Variants in KIF21A observed in about 807,000 individuals in gnomAD.
KIF21A encodes kinesin-like protein KIF21A.
Under a neutral mutation model 202.9 loss-of-function variants are expected in KIF21A, and 114 were observed. The observed-to-expected ratio is 0.56, with a 90% CI of 0.48 to 0.66. The LOEUF (loss-of-function observed/expected upper bound fraction) is 0.66, where lower values mean the gene tolerates loss of function less well. Among genes scored for constraint, KIF21A ranks in the 30% least tolerant of loss-of-function variants. The pLI is 0.00. For synonymous variants in KIF21A, 667 were observed against 670.8 expected, an observed-to-expected ratio of 0.99 and a Z score of 0.09; for missense variants, 1,677 against 1,994.9, an observed-to-expected ratio of 0.84 and a Z score of 3.04.
At position 39,319,939 on chromosome 12, in the gene KIF21A, T is replaced by A. The variant is rs746695893; in HGVS notation, c.3746A>T (p.Lys1249Ile). 5 of 1,608,178 alleles carry A rather than the reference T, an allele frequency of 3.1e-6. No homozygotes were observed. The Admixed American group carries it at 8.4e-5, about 27-fold the overall frequency. Reference sequence around the variant, plus strand: ...TTCCTTGGCCTTTGATTTTTCTGCTTTCTCATATGCCTTTCTCCTTGTTAC... The same window carrying A: ...TTCCTTGGCCTTTGATTTTTCTGCTATCTCATATGCCTTTCTCCTTGTTAC... ...SPVTRRKAYE[K>I]AEKSKAKEQK... The change falls in exon 28 of 38, where the codon AAA becomes ATA. Residue 1249 changes from lysine to isoleucine, a missense_variant. Physicochemically the swap from Lys to Ile is moderately radical, Grantham distance 102. Around this residue, in one of 3 missense-constraint regions of KIF21A, gnomAD observed 705 missense variants for 791.9 expected, o/e 0.89. Coordinates refer to ENST00000361418, the MANE Select transcript of KIF21A (RefSeq NM_001173464.2).
chr12:39,398,642 C>T (rs1280000438), intron 1 of KIF21A, among the ~76,000 whole-genome samples: 4 of 151,924 alleles, frequency 2.6e-5, no homozygotes, highest in Non-Finnish European at 5.9e-5. Flanking sequence ...CTTCAAAGGC[C>T]CTATAATGTG....
intron 1 of KIF21A, among the ~76,000 whole-genome samples, chr12:39,426,371 AGTC>A (rs1954752613): frequency 6.6e-6 from 1 of 152,248 alleles, no homozygotes; most frequent in African/African-American, 2.4e-5. Context: ...GTGGATGAAC[AGTC>A]GTCAATAAAT....
rs370287495 is a variant in KIF21A, at chr12:39,418,568, T to C, written c.44+24359A>G. Among the ~76,000 whole-genome samples, 23 of 152,308 alleles carry C rather than the reference T, an allele frequency of 1.5e-4. 1 individual carries two copies. The South Asian group carries it at 4.8e-3, about 32-fold the overall frequency. Reference sequence around the variant, plus strand: ...TTGGGAAATACTAGAAAACTACAGATGCAACAGAAATCAAGAGTGGAAGCC... The same window carrying C: ...TTGGGAAATACTAGAAAACTACAGACGCAACAGAAATCAAGAGTGGAAGCC... On this transcript the variant is annotated intron_variant, in intron 1 of 37. Coordinates refer to ENST00000361418, the MANE Select transcript of KIF21A (RefSeq NM_001173464.2).
rs1566271793 is a variant in KIF21A, at chr12:39,416,826, C to CATATATGTGTATATATAGATATGTACAT, written c.44+26073_44+26100dup. ...ACATATATATGTGTGTATATATGTA[C>CATATATGTGTATATATAGATATGTACAT]ATATATGTGTATATATAGATATGTA... On this transcript the variant is annotated intron_variant, in intron 1 of 37. Coordinates refer to ENST00000361418, the MANE Select transcript of KIF21A (RefSeq NM_001173464.2). 5.5e-4 allele frequency among the ~76,000 whole-genome samples: 68 copies of CATATATGTGTATATATAGATATGTACAT among 124,762 alleles called. 1 individual carries two copies. Among genetic ancestry groups the CATATATGTGTATATATAGATATGTACAT allele is most frequent in the Middle Eastern group, 4.1e-3 (1 of 244 alleles). 81.8% of individuals were successfully genotyped at this position (124,762 alleles called of 152,430 possible).
intron 1 of KIF21A, among the ~76,000 whole-genome samples, chr12:39,417,703 T>C (rs1439864536): frequency 6.6e-6 from 1 of 152,116 alleles, no homozygotes; most frequent in Non-Finnish European, 1.5e-5. Flanking sequence ...TCTACATCAT[T>C]ATGACACTAT....
At chr12:39,321,167 T>TA (rs1945208668) in intron 27 of KIF21A, among the ~76,000 whole-genome samples, 1 of 152,176 alleles carries the variant, frequency 6.6e-6, no homozygotes, top group African/African-American at 2.4e-5. Context: ...TTATAAGAGT[T>TA]ACTGCACCAA....
Position 39,330,771 on chromosome 12 carries a change from A to G in KIF21A, c.3294T>C (p.Asp1098=), listed in dbSNP as rs1946440231. The G allele has an allele frequency of 6.2e-7, 1 of 1,613,936 alleles. No individual in the cohort carries two copies. The part of the protein sequence containing the change: ...KEKAELNPEL[D]ALLGHALQDL... ...CTTGTAAAGCATGGCCTAGTAAAGC[A>G]TCTAGCTCAGGATTTAATTCTGCCT... The change falls in exon 23 of 38, where the codon GAT becomes GAC. Residue 1098 remains aspartate (D), a synonymous_variant. Coordinates refer to ENST00000361418, the MANE Select transcript of KIF21A (RefSeq NM_001173464.2).
chr12:39,357,834 G>A (rs559430949), intron 8 of KIF21A, among the ~76,000 whole-genome samples: 5 of 141,116 alleles, frequency 3.5e-5, no homozygotes, highest in East Asian at 2.2e-4. Flanking sequence ...CATTTAACCC[G>A]GGAGGCGGAA....
At chr12:39,313,338 A>G (rs1030560481) in intron 31 of KIF21A, among the ~76,000 whole-genome samples, 2 of 151,916 alleles carry the variant, frequency 1.3e-5, no homozygotes, top group African/African-American at 4.8e-5. Context: ...TATCCACTTA[A>G]AAATAAATGT....
chr12:39,316,253 A>T (rs775148701), intron 29 of KIF21A, among the ~76,000 whole-genome samples: 2 of 152,162 alleles, frequency 1.3e-5, no homozygotes, highest in African/African-American at 2.4e-5. Context: ...TAGGCCTTGC[A>T]GAAGAATAGT....
At chr12:39,330,612 A>C (rs1325736517) in intron 23 of KIF21A, 134 bp downstream of exon 23, 4 of 809,278 alleles carry the variant, frequency 4.9e-6, no homozygotes, top group Non-Finnish European at 8.0e-6. Flanking sequence ...AATTAAAGAA[A>C]GAATAATTAT....
At chr12:39,382,985 A>G (rs1482694530) in intron 1 of KIF21A, among the ~76,000 whole-genome samples, 1 of 152,212 alleles carries the variant, frequency 6.6e-6, no homozygotes, top group Non-Finnish European at 1.5e-5. Context: ...CATTTCTCAT[A>G]CAATTCTGAC....
chr12:39,305,253 C>T (rs1451458131), intron 34 of KIF21A, among the ~76,000 whole-genome samples: 1 of 151,500 alleles, frequency 6.6e-6, no homozygotes, highest in East Asian at 1.9e-4. Context: ...GTACTCCCAG[C>T]TACTCAGGAG....
At chr12:39,421,723 T>TTA (rs374130613) in intron 1 of KIF21A, among the ~76,000 whole-genome samples, 8,637 of 134,918 alleles carry the variant, frequency 0.064, 684 homozygotes, top group African/African-American at 0.2. Context: ...TATATATAAT[T>TTA]TATATATATA....
At chr12:39,308,603 C>A (rs891114530) in intron 33 of KIF21A, among the ~76,000 whole-genome samples, 6 of 151,994 alleles carry the variant, frequency 3.9e-5, no homozygotes, top group African/African-American at 1.4e-4. Context: ...GTATCTAAGG[C>A]CTTAAACATA....
At chr12:39,313,245 T>C (rs930227696) in intron 31 of KIF21A, among the ~76,000 whole-genome samples, 3 of 152,036 alleles carry the variant, frequency 2.0e-5, no homozygotes, top group Admixed American at 6.6e-5. Context: ...GTAGACCTGA[T>C]CTTCCAAAAT....
In KIF21A at chr12:39,370,072, T is replaced by C. The variant is rs1181319551; in HGVS notation, c.234A>G (p.Glu78=). The change falls in exon 2 of 38, where the codon GAA becomes GAG. Residue 78 remains glutamate, a synonymous_variant. Transcript: ENST00000361418. ...CIEKLIEGCF[E]GYNATVFAYG... is the part of the protein sequence containing the mutation. The stretch of plus-strand genomic sequence containing the variant: ...AAGCAAAAACTGTAGCATTGTATCC[T>C]TCAAAGCAACCTTCAATTAGTTTTT... 11 of 1,613,720 alleles carry C rather than the reference T, an allele frequency of 6.8e-6. No homozygotes were observed. The highest frequency in any genetic ancestry group is 8.5e-6 in the Non-Finnish European group (10 of 1,179,822).
intron 24 of KIF21A, among the ~76,000 whole-genome samples, chr12:39,327,295 C>A (rs959092374): frequency 6.6e-6 from 1 of 152,064 alleles, no homozygotes; most frequent in African/African-American, 2.4e-5. Context: ...TTCAGTAATA[C>A]TTGGTATTAT....
chr12:39,296,515 C>T (rs1268330769), intron 37 of KIF21A, among the ~76,000 whole-genome samples: 3 of 152,074 alleles, frequency 2.0e-5, no homozygotes, highest in Non-Finnish European at 4.4e-5. Context: ...GTGACTAGTG[C>T]CACAGGGGTG....
Sources: gnomAD v4.1 joint callset for allele counts (sites outside exome capture counted in the v4.1 genomes callset) on GRCh38, gnomAD v4.1.1 for gene constraint, gnomAD v4.1.1 regional missense constraint, MANE v1.5 for transcripts, NCBI Gene and HGNC (gene_info 2026-07-23, HGNC 2026-07-21) for gene names.